ST8SIA4: variants seen among roughly 807,000 people sequenced by gnomAD.
ST8SIA4 encodes the protein CMP-N-acetylneuraminate-poly-alpha-2,8-sialyltransferase.
In ST8SIA4, 15 loss-of-function variants were observed where a neutral mutation model predicts 33.9. The observed-to-expected ratio is 0.44, with a 90% CI of 0.30 to 0.68. The LOEUF (loss-of-function observed/expected upper bound fraction) is 0.68. Ranked by LOEUF, ST8SIA4 falls within the 30% of genes least tolerant of loss-of-function variation. The probability of loss-of-function intolerance (pLI) is 0.10; values close to 1 mark genes in which losing one functional copy is unlikely to be tolerated. For missense variants in ST8SIA4, 321 were observed against 428.0 expected, an observed-to-expected ratio of 0.75 and a Z score of 2.21; for synonymous variants, 171 against 151.2, an observed-to-expected ratio of 1.13 and a Z score of -0.96.
intron 4 of ST8SIA4, among the ~76,000 whole-genome samples, chr5:100,813,009 T>A (rs932852478): frequency 6.6e-6 from 1 of 152,094 alleles, no homozygotes; most frequent in African/African-American, 2.4e-5. Context: ...AAAAACTTAA[T>A]AAGTTTAAAA....
At chr5:100,876,062 A>G (rs1243373441) in intron 3 of ST8SIA4, among the ~76,000 whole-genome samples, 1 of 152,150 alleles carries the variant, frequency 6.6e-6, no homozygotes, top group Non-Finnish European at 1.5e-5. Context: ...TTAATAAAAC[A>G]AAGACATAAA....
chr5:100,895,080 G>C lies in ST8SIA4; in HGVS notation c.245+574C>G, dbSNP rs1468382196. 2.0e-5 allele frequency among the ~76,000 whole-genome samples: 3 copies of C among 152,120 alleles called. No individual in the cohort carries two copies. The South Asian group carries it at 6.2e-4, about 32-fold the overall frequency. On this transcript the variant is annotated intron_variant, in intron 2 of 4. Coordinates refer to ENST00000231461, the MANE Select transcript of ST8SIA4 (RefSeq NM_005668.6). ...GAAAATTACATACTGGATAAACGTA[G>C]GCATGGAGTATGAGTTCAAGAGTGG... is the stretch of plus-strand genomic sequence containing the variant.
At chr5:100,889,501 G>A (rs1430522593) in intron 2 of ST8SIA4, among the ~76,000 whole-genome samples, 1 of 151,858 alleles carries the variant, frequency 6.6e-6, no homozygotes, top group Non-Finnish European at 1.5e-5. Context: ...ATCCAAAAGG[G>A]AAAATCTATT....
chr5:100,845,647 A>G (rs1275707615), intron 4 of ST8SIA4, among the ~76,000 whole-genome samples: 1 of 151,978 alleles, frequency 6.6e-6, no homozygotes, highest in African/African-American at 2.4e-5. Flanking sequence ...CTTTCCCTGT[A>G]GTTCGTTAAT....
chr5:100,848,575 T>A (rs1751617251), intron 4 of ST8SIA4, among the ~76,000 whole-genome samples: 1 of 150,014 alleles, frequency 6.7e-6, no homozygotes, highest in South Asian at 2.1e-4. Flanking sequence ...TTAATATATA[T>A]GTTTTGTGTG....
At chr5:100,900,308 T>C in intron 1 of ST8SIA4, 1 of 420,958 alleles carries the variant, frequency 2.4e-6, no homozygotes, top group Non-Finnish European at 4.9e-6. Flanking sequence ...GAGACTGCCT[T>C]GGTTACCTCA....
intron 3 of ST8SIA4, among the ~76,000 whole-genome samples, chr5:100,868,212 T>C (rs532247517): frequency 6.6e-6 from 1 of 152,210 alleles, no homozygotes; most frequent in Non-Finnish European, 1.5e-5. Flanking sequence ...CATTGGTAGA[T>C]CATGAATTAA....
chr5:100,895,517 T>G lies in ST8SIA4; in HGVS notation c.245+137A>C, dbSNP rs777074640. ...GTTTCATATTCTTCAGTGAGCAACA[T>G]TAAATAGAGCTGGTTCATTCTTTTA... On this transcript the variant is annotated intron_variant, in intron 2 of 4. Coordinates refer to ENST00000231461, the MANE Select transcript of ST8SIA4 (RefSeq NM_005668.6). The G allele has an allele frequency of 4.9e-6, 4 of 816,508 alleles. 1 individual carries two copies. The Admixed American group carries it at 1.1e-4, about 23-fold the overall frequency. 50.6% of individuals were successfully genotyped at this position (816,508 alleles called of 1,614,324 possible).
Position 100,827,854 on chromosome 5 carries a change from C to T in ST8SIA4, c.798-15725G>A, listed in dbSNP as rs866196677. Among the ~76,000 whole-genome samples, 9 of 152,310 alleles carry T rather than the reference C, an allele frequency of 5.9e-5. No homozygotes were observed. In the South Asian group the frequency reaches 1.9e-3, roughly 32 times the overall value. ...GCAACAATCTACGGCTCTACAAGAA[C>T]AGGGCAAAGTGCATTTTAAGATCAC... On this transcript the variant is annotated intron_variant, in intron 4 of 4. Coordinates refer to ENST00000231461, the MANE Select transcript of ST8SIA4 (RefSeq NM_005668.6).
intron 1 of ST8SIA4, among the ~76,000 whole-genome samples, chr5:100,899,934 A>G (rs1752864067): frequency 6.6e-6 from 1 of 152,256 alleles, no homozygotes; most frequent in Non-Finnish European, 1.5e-5. Context: ...TAGATGTTCA[A>G]TAATCATTAC....
chr5:100,865,221 A>G (rs1387244384), intron 3 of ST8SIA4, among the ~76,000 whole-genome samples: 1 of 152,234 alleles, frequency 6.6e-6, no homozygotes, highest in East Asian at 1.9e-4. Context: ...TGCTAGGCAG[A>G]GAGAAATGAA....
At chr5:100,844,147 T>C (rs932627779) in intron 4 of ST8SIA4, among the ~76,000 whole-genome samples, 5 of 151,878 alleles carry the variant, frequency 3.3e-5, no homozygotes, top group African/African-American at 1.2e-4. Context: ...ACTGAGCAAA[T>C]ACTTTATAAT....
chr5:100,869,368 C>T (rs151184114), intron 3 of ST8SIA4, among the ~76,000 whole-genome samples: 61 of 152,070 alleles, frequency 4.0e-4, no homozygotes, highest in Middle Eastern at 3.4e-3. Context: ...ATAGATCTAC[C>T]GACCATTTGC....
chr5:100,826,027 GCT>G (rs972926866), intron 4 of ST8SIA4, among the ~76,000 whole-genome samples: 1 of 152,086 alleles, frequency 6.6e-6, no homozygotes, highest in Non-Finnish European at 1.5e-5. Flanking sequence ...CATTTCACCA[GCT>G]CTTACTGTAT....
intron 1 of ST8SIA4, among the ~76,000 whole-genome samples, chr5:100,897,708 G>A (rs1049254374): frequency 6.6e-6 from 1 of 152,080 alleles, no homozygotes. Flanking sequence ...GCAGCTCAAA[G>A]CATCATCATA....
chr5:100,845,140 A>G (rs547896114), intron 4 of ST8SIA4, among the ~76,000 whole-genome samples: 1 of 152,176 alleles, frequency 6.6e-6, no homozygotes, highest in South Asian at 2.1e-4. Context: ...ATGAGACACT[A>G]GAGTTAGTTA....
chr5:100,901,301 C>A (rs1752905752), intron 1 of ST8SIA4, among the ~76,000 whole-genome samples: 1 of 152,326 alleles, frequency 6.6e-6, no homozygotes, highest in Non-Finnish European at 1.5e-5. Context: ...CCCTCGGAGT[C>A]CTAGTGAGCC....
At chr5:100,816,403 A>G (rs1323066237) in intron 4 of ST8SIA4, 1 of 475,850 alleles carries the variant, frequency 2.1e-6, no homozygotes, top group Non-Finnish European at 4.1e-6. Context: ...TACTAAGGAG[A>G]GCTCACATTC....
chr5:100,855,567 T>C (rs989771071), intron 4 of ST8SIA4, among the ~76,000 whole-genome samples: 7 of 152,354 alleles, frequency 4.6e-5, no homozygotes, highest in Middle Eastern at 6.8e-3. Flanking sequence ...AATGCTTTTT[T>C]CTGAACTTGT....
Sources: gnomAD v4.1 joint callset for allele counts (sites outside exome capture counted in the v4.1 genomes callset) on GRCh38, gnomAD v4.1.1 for gene constraint, MANE v1.5 for transcripts, NCBI Gene and HGNC (gene_info 2026-07-23, HGNC 2026-07-21) for gene names.